The following TRIP12 variants were observed in gnomAD, a reference collection of about 807,000 sequenced individuals.
TRIP12 encodes E3 ubiquitin-protein ligase TRIP12.
TRIP12 carries 25 observed loss-of-function variants against 244.2 expected under a neutral mutation model. The ratio of observed to expected loss-of-function variants is 0.10; its 90% CI spans 0.07 to 0.14. TRIP12 has a LOEUF of 0.14. TRIP12 is among the 10% of genes least tolerant of loss of function. The pLI, the probability that TRIP12 is intolerant of heterozygous loss-of-function variation, is 1.00. For synonymous variants in TRIP12, 905 were observed against 873.1 expected, an observed-to-expected ratio of 1.04 and a Z score of -0.64; for missense variants, 1,677 against 2,486.4, an observed-to-expected ratio of 0.67 and a Z score of 6.92.
intron 9 of TRIP12, among the ~76,000 whole-genome samples, chr2:229,817,077 C>T (rs1190901573): frequency 6.6e-6 from 1 of 152,052 alleles, no homozygotes; most frequent in African/African-American, 2.4e-5. Flanking sequence ...GCTGAGCCAT[C>T]CAAATAAGAA....
chr2:229,815,655 T>A (rs1412118485), intron 9 of TRIP12, among the ~76,000 whole-genome samples: 1 of 151,944 alleles, frequency 6.6e-6, no homozygotes, highest in East Asian at 1.9e-4. Context: ...CTAGTGCTAA[T>A]AAATACTAGA....
chr2:229,863,614 C>A (rs889655463), intron 2 of TRIP12, among the ~76,000 whole-genome samples: 9 of 152,166 alleles, frequency 5.9e-5, no homozygotes, highest in Admixed American at 2.0e-4. Flanking sequence ...CCAGATGGTA[C>A]CATGAAGTGA....
chr2:229,893,426 A>G (rs1170358733), intron 1 of TRIP12, among the ~76,000 whole-genome samples: 1 of 151,858 alleles, frequency 6.6e-6, no homozygotes, highest in Non-Finnish European at 1.5e-5. Flanking sequence ...CACCCAAGAA[A>G]CTTTCCTCAC....
intron 7 of TRIP12, among the ~76,000 whole-genome samples, chr2:229,829,735 G>A (rs977698445): frequency 1.5e-4 from 23 of 152,170 alleles, no homozygotes; most frequent in Admixed American, 4.6e-4. Flanking sequence ...GATCACCTGA[G>A]GTCAGGAGCT....
intron 1 of TRIP12, among the ~76,000 whole-genome samples, chr2:229,898,970 G>A (rs1045155825): frequency 6.6e-6 from 1 of 152,174 alleles, no homozygotes; most frequent in African/African-American, 2.4e-5. Flanking sequence ...CCCAAAGCAT[G>A]AGCCACTGTG....
intron 2 of TRIP12, among the ~76,000 whole-genome samples, chr2:229,864,047 A>AGAGAGAGAGAGTGTGT: frequency 3.5e-3 from 274 of 79,210 alleles, no homozygotes; most frequent in Non-Finnish European, 5.0e-3. Context: ...AGAGAGAGAG[A>AGAGAGAGAGAGTGTGT]GTGTGTGTGT....
intron 1 of TRIP12, among the ~76,000 whole-genome samples, chr2:229,891,655 ATAAC>A (rs1243724701): frequency 1.3e-5 from 2 of 152,132 alleles, no homozygotes; most frequent in African/African-American, 4.8e-5. Context: ...AAAAAGCAAA[ATAAC>A]TATTTTTCTA....
At position 229,767,390 on chromosome 2, in the gene TRIP12, GCCATTAATGAATATCAA is replaced by G; in HGVS notation, c.*147_*163del. ...GGCCTGATCACTTTAAGTCCATGGGGCCATTAATGAATATCAACCAAATGTCTCTTTATAATCTGCAA... is the reference window on the plus strand; with the variant it reads ...GGCCTGATCACTTTAAGTCCATGGGGCCAAATGTCTCTTTATAATCTGCAA... On this transcript the variant is annotated 3_prime_UTR_variant, in exon 42 of 42. Transcript: ENST00000675903. 1.4e-6 allele frequency: 1 copy of G among 708,576 alleles called. No individual in the cohort carries two copies. The highest frequency in any genetic ancestry group is 2.1e-6 in the Non-Finnish European group (1 of 473,562). The allele number at this position is 708,576 out of a possible 1,614,324, so 43.9% of individuals were successfully genotyped here.
chr2:229,801,975 A>T (rs184749926), intron 21 of TRIP12, among the ~76,000 whole-genome samples: 1 of 152,236 alleles, frequency 6.6e-6, no homozygotes, highest in Non-Finnish European at 1.5e-5. Context: ...TACAAGTAAC[A>T]TAAGTGTGTA....
At chr2:229,785,985 TAACTCAG>T (rs2039885237) in intron 33 of TRIP12, 130 bp from the exon 34 acceptor site, 1 of 735,286 alleles carries the variant, frequency 1.4e-6, no homozygotes, top group East Asian at 3.0e-5. Flanking sequence ...CTTAAACAGG[TAACTCAG>T]AAAAGGTTAA....
At chr2:229,888,676 G>A (rs1040335571) in intron 1 of TRIP12, among the ~76,000 whole-genome samples, 3 of 152,124 alleles carry the variant, frequency 2.0e-5, no homozygotes, top group Non-Finnish European at 2.9e-5. Flanking sequence ...GTGGTAGCGC[G>A]CCTGTAGTCC....
chr2:229,806,955 C>A (rs959859890), intron 17 of TRIP12, among the ~76,000 whole-genome samples: 1 of 152,104 alleles, frequency 6.6e-6, no homozygotes, highest in Non-Finnish European at 1.5e-5. Context: ...TTATGCATGG[C>A]ATCACAAATA....
chr2:229,813,934 G>C lies in TRIP12; in HGVS notation c.1922C>G (p.Thr641Arg). The C allele has an allele frequency of 6.3e-7, 1 of 1,598,742 alleles. No individual in the cohort carries two copies. Among genetic ancestry groups the C allele is most frequent in the Non-Finnish European group, 8.6e-7 (1 of 1,168,358 alleles). The change falls in exon 13 of 42, where the codon ACG becomes AGG. Residue 641 changes from threonine to arginine, a missense_variant. Transcript: ENST00000675903. ...AIAANCCQSITPDEFHFVADS... is the reference protein window; with the variant it reads ...AIAANCCQSIRPDEFHFVADS... ...TGCCACAAAATGAAATTCATCTGGC[G>C]TGATACTCTGGCAGCAATTAGCTGC... is the stretch of plus-strand genomic sequence containing the variant.
chr2:229,843,794 C>T (rs965516794), intron 4 of TRIP12, among the ~76,000 whole-genome samples: 1 of 151,956 alleles, frequency 6.6e-6, no homozygotes, highest in African/African-American at 2.4e-5. Context: ...AGGAAGCTGA[C>T]GCGGGAGGAT....
intron 8 of TRIP12, among the ~76,000 whole-genome samples, chr2:229,826,663 G>C (rs931286341): frequency 2.0e-5 from 3 of 152,074 alleles, no homozygotes; most frequent in African/African-American, 7.2e-5. Context: ...ACACACCTAG[G>C]CTGTCTAGTT....
At chr2:229,775,122 T>C (rs553110641) in intron 37 of TRIP12, among the ~76,000 whole-genome samples, 1 of 152,278 alleles carries the variant, frequency 6.6e-6, no homozygotes, top group South Asian at 2.1e-4. Flanking sequence ...AAATTAGTCA[T>C]TTAAACTAGA....
chr2:229,786,639 G>C (rs1018033586), intron 33 of TRIP12, among the ~76,000 whole-genome samples: 1 of 133,876 alleles, frequency 7.5e-6, no homozygotes, highest in Admixed American at 8.8e-5. Flanking sequence ...GGATGGTCTC[G>C]ATCTCCTGAC....
intron 1 of TRIP12, among the ~76,000 whole-genome samples, chr2:229,900,440 G>C (rs2070372969): frequency 1.3e-5 from 2 of 152,140 alleles, no homozygotes; most frequent in Admixed American, 6.5e-5. Flanking sequence ...TCTTCCTAAA[G>C]AGAAATCCAA....
chr2:229,839,059 T>G (rs514666), intron 5 of TRIP12, among the ~76,000 whole-genome samples: 1 of 152,108 alleles, frequency 6.6e-6, no homozygotes, highest in Non-Finnish European at 1.5e-5. Context: ...GCTACAGTCA[T>G]GTGCTGCATA....
Sources: allele counts gnomAD v4.1 joint callset (sites outside exome capture counted in the v4.1 genomes callset), GRCh38; gene constraint gnomAD v4.1.1; transcripts MANE v1.5; gene names NCBI Gene and HGNC (gene_info 2026-07-23, HGNC 2026-07-21).